Variants in SLC5A1 observed in about 807,000 individuals in gnomAD.
SLC5A1 encodes solute carrier family 5 member 1.
In SLC5A1, 42 loss-of-function variants were observed where a neutral mutation model predicts 73.5. The ratio of observed to expected loss-of-function variants is 0.57; its 90% confidence interval spans 0.45 to 0.74. The LOEUF (loss-of-function observed/expected upper bound fraction) is 0.74. Among genes scored for constraint, SLC5A1 ranks in the 30% least tolerant of loss-of-function variants. SLC5A1 has a pLI of 0.00. For missense variants in SLC5A1, 634 were observed against 855.4 expected, an observed-to-expected ratio of 0.74 and a Z score of 3.23; for synonymous variants, 300 against 317.4, an observed-to-expected ratio of 0.95 and a Z score of 0.58.
intron 14 of SLC5A1, among the ~76,000 whole-genome samples, chr22:32,106,129 A>T (rs2094045272): frequency 1.3e-5 from 2 of 152,222 alleles, no homozygotes; most frequent in South Asian, 4.1e-4. Flanking sequence ...ATTATATGGT[A>T]GCTGTCTTTT....
At position 32,068,040 on chromosome 22, in the gene SLC5A1, C is replaced by A; in HGVS notation, c.372+14C>A. ...ATTAAGGCTGGGGTAAGTATCTGCT[C>A]TGTTATTTCATTTCCTGCTGGCAAA... On this transcript the variant is annotated intron_variant, in intron 4 of 14. Transcript: ENST00000266088. 1 of 1,612,714 alleles carries A rather than the reference C, an allele frequency of 6.2e-7. No homozygotes were observed. The highest frequency in any genetic ancestry group is 1.1e-5 in the South Asian group (1 of 91,052).
Position 32,060,076 on chromosome 22 carries a change from T to C in SLC5A1, c.208-6859T>C, listed in dbSNP as rs191904751. 2.4e-3 allele frequency among the ~76,000 whole-genome samples: 353 copies of C among 144,218 alleles called. 3 individuals carry two copies. Among genetic ancestry groups the C allele is most frequent in the Non-Finnish European group, 2.9e-3 (189 of 65,212 alleles). 94.6% of individuals were successfully genotyped at this position (144,218 alleles called of 152,430 possible). The stretch of plus-strand genomic sequence containing the variant: ...ACATATATACACACACATATATATA[T>C]ACACACATGTATACACACACATATA... On this transcript the variant is annotated intron_variant, in intron 2 of 14. Transcript: ENST00000266088.
intron 5 of SLC5A1, among the ~76,000 whole-genome samples, chr22:32,070,249 C>A (rs1343455631): frequency 1.6e-5 from 1 of 61,248 alleles, no homozygotes; most frequent in Non-Finnish European, 3.4e-5. Flanking sequence ...TCCCCCTCCC[C>A]TCCCCTCCCC....
chr22:32,074,610 C>G (rs1370791177), intron 5 of SLC5A1, among the ~76,000 whole-genome samples: 10 of 152,086 alleles, frequency 6.6e-5, no homozygotes, highest in Non-Finnish European at 1.5e-4. Context: ...GGTCTCTAAC[C>G]AAATAAGACT....
chr22:32,071,545 T>C (rs1463596956), intron 5 of SLC5A1, among the ~76,000 whole-genome samples: 2 of 152,168 alleles, frequency 1.3e-5, no homozygotes, highest in African/African-American at 4.8e-5. Flanking sequence ...TGGGTTGCAG[T>C]AGGGCAGAGA....
At chr22:32,072,890 A>G (rs186592104) in intron 5 of SLC5A1, among the ~76,000 whole-genome samples, 1 of 152,132 alleles carries the variant, frequency 6.6e-6, no homozygotes, top group Non-Finnish European at 1.5e-5. Flanking sequence ...TTATGTGTCT[A>G]TTTCTTGATC....
At chr22:32,081,230 A>G (rs913343664) in intron 5 of SLC5A1, among the ~76,000 whole-genome samples, 2 of 152,208 alleles carry the variant, frequency 1.3e-5, no homozygotes, top group African/African-American at 4.8e-5. Context: ...AGGAGTGAGG[A>G]GGGAGCAATT....
At chr22:32,052,697 G>A (rs1035917692) in intron 2 of SLC5A1, among the ~76,000 whole-genome samples, 1 of 152,072 alleles carries the variant, frequency 6.6e-6, no homozygotes, top group African/African-American at 2.4e-5. Context: ...CCTGTGATGA[G>A]AGCTAGGCCT....
intron 5 of SLC5A1, among the ~76,000 whole-genome samples, chr22:32,072,879 G>A (rs79061246): frequency 6.6e-6 from 1 of 151,988 alleles, no homozygotes; most frequent in South Asian, 2.1e-4. Flanking sequence ...TTTTTATTGG[G>A]TTATGTGTCT....
chr22:32,077,020 C>T (rs2093992025), intron 5 of SLC5A1, among the ~76,000 whole-genome samples: 1 of 152,190 alleles, frequency 6.6e-6, no homozygotes, highest in South Asian at 2.1e-4. Context: ...TGCTTTTATG[C>T]TTTAACAACA....
chr22:32,048,611 C>T (rs2093940242), intron 1 of SLC5A1, among the ~76,000 whole-genome samples: 1 of 152,194 alleles, frequency 6.6e-6, no homozygotes, highest in Non-Finnish European at 1.5e-5. Flanking sequence ...TGAGGTTCCA[C>T]CTCTAGATCT....
chr22:32,083,232 C>T, intron 7 of SLC5A1, 78 bp downstream of exon 7: 1 of 1,204,312 alleles, frequency 8.3e-7, no homozygotes, highest in East Asian at 2.4e-5. Context: ...AGTCCAGCCT[C>T]TCTACCTGCT....
chr22:32,052,268 G>A (rs772343584), intron 2 of SLC5A1, among the ~76,000 whole-genome samples: 3 of 152,158 alleles, frequency 2.0e-5, no homozygotes, highest in Non-Finnish European at 2.9e-5. Flanking sequence ...ATTTGGGGCC[G>A]ACCAGAGACC....
intron 14 of SLC5A1, among the ~76,000 whole-genome samples, chr22:32,105,654 T>C (rs775674659): frequency 7.2e-5 from 11 of 152,214 alleles, no homozygotes; most frequent in Non-Finnish European, 1.6e-4. Flanking sequence ...CACCCTGTTG[T>C]GCTATCAAAT....
intron 5 of SLC5A1, among the ~76,000 whole-genome samples, chr22:32,075,459 G>A (rs576405818): frequency 1.3e-5 from 2 of 152,246 alleles, no homozygotes; most frequent in East Asian, 3.9e-4. Context: ...GAGAAACTGA[G>A]GTCCAGACAG....
At position 32,091,340 on chromosome 22, in the gene SLC5A1, CA is replaced by C. The variant is rs1184271414; in HGVS notation, c.1130-271del. On this transcript the variant is annotated intron_variant, in intron 10 of 14. Transcript: ENST00000266088. ...ACACACACACACACACACACACACA[CA>C]CCCCACCACCTTCATCATCGTCCAG... Among the ~76,000 whole-genome samples, 132 of 144,862 alleles carry C rather than the reference CA, an allele frequency of 9.1e-4. 2 individuals carry two copies. The highest frequency in any genetic ancestry group is 3.2e-3 in the African/African-American group (120 of 37,644).
At chr22:32,073,743 G>A (rs1267312890) in intron 5 of SLC5A1, among the ~76,000 whole-genome samples, 1 of 152,054 alleles carries the variant, frequency 6.6e-6, no homozygotes, top group Non-Finnish European at 1.5e-5. Context: ...ATTTTTAGTA[G>A]AGACGGGGTT....
intron 14 of SLC5A1, 124 bp downstream of exon 14, chr22:32,105,015 G>A: frequency 2.7e-6 from 2 of 751,038 alleles, no homozygotes; most frequent in Non-Finnish European, 4.7e-6. Flanking sequence ...AGGGCAGTGA[G>A]GAGTAGGGTG....
chr22:32,068,154 G>A (rs2093977168), intron 4 of SLC5A1, 128 bp downstream of exon 4: 3 of 929,748 alleles, frequency 3.2e-6, no homozygotes, highest in Non-Finnish European at 3.6e-6. Context: ...TTCACTCCCA[G>A]GTTATGAAAT....
Sources: gnomAD v4.1 joint callset for allele counts (sites outside exome capture counted in the v4.1 genomes callset) on GRCh38, gnomAD v4.1.1 for gene constraint, MANE v1.5 for transcripts, NCBI Gene and HGNC (gene_info 2026-07-23, HGNC 2026-07-21) for gene names.